The following OTUD4 variants were observed in gnomAD, a reference collection of about 807,000 sequenced individuals.
OTUD4 encodes the protein OTU domain-containing protein 4.
A neutral mutation model predicts 130.4 loss-of-function variants in OTUD4; 24 were observed. The ratio of observed to expected loss-of-function variants is 0.18; its 90% CI spans 0.13 to 0.26. The LOEUF (loss-of-function observed/expected upper bound fraction) is 0.26. Among genes scored for constraint, OTUD4 ranks in the 10% least tolerant of loss-of-function variants. OTUD4 has a pLI of 1.00. For missense variants in OTUD4, 1,031 were observed against 1,329.4 expected (o/e 0.78, Z 3.49); for synonymous variants, 420 against 472.5 (o/e 0.89, Z 1.44).
chr4:145,161,048 T>A (rs1302672152), intron 6 of OTUD4, among the ~76,000 whole-genome samples: 1 of 152,026 alleles, frequency 6.6e-6, no homozygotes, highest in Non-Finnish European at 1.5e-5. Context: ...AGGCGGAAGT[T>A]GCAGTGAGCC....
chr4:145,146,501 CAAAA>C, intron 13 of OTUD4, 72 bp from the exon 14 acceptor site: 2 of 594,912 alleles, frequency 3.4e-6, no homozygotes, highest in Non-Finnish European at 4.6e-6. Context: ...ACATTCTTGT[CAAAA>C]AAAAAAAACA....
intron 7 of OTUD4, among the ~76,000 whole-genome samples, chr4:145,158,571 A>G (rs895605741): frequency 1.3e-4 from 20 of 152,152 alleles, no homozygotes; most frequent in African/African-American, 4.8e-4. Context: ...TATAATAAAG[A>G]ATTAGATATC....
intron 7 of OTUD4, among the ~76,000 whole-genome samples, chr4:145,158,864 T>C (rs557786510): frequency 2.2e-4 from 34 of 152,326 alleles, no homozygotes; most frequent in African/African-American, 7.5e-4. Context: ...TTTTAGAGTA[T>C]TGGAATTAAG....
intron 3 of OTUD4, 48 bp from the exon 4 acceptor site, chr4:145,165,245 GATTCCACTTTATATTTCTATACA>G: frequency 8.0e-7 from 1 of 1,247,624 alleles, no homozygotes; most frequent in Non-Finnish European, 1.2e-6. Flanking sequence ...ACACTTTTTA[GATTCCACTTTATATTTCTATACA>G]TACCTTCATA....
chr4:145,137,987 T>C lies in OTUD4; in HGVS notation c.2788A>G (p.Ser930Gly), dbSNP rs750716152. ...VHSLPEASVSSKPDEGRTEQS... is the reference protein window; with the variant it reads ...VHSLPEASVSGKPDEGRTEQS... ...TCTGTCCGGCCTTCGTCCGGCTTAC[T>C]GCTCACACTTGCTTCAGGGAGAGAA... The change falls in exon 21 of 21, where the codon AGT becomes GGT. Residue 930 changes from serine to glycine, a missense_variant. By Grantham distance (56) the Ser-to-Gly change is moderately conservative. Transcript: ENST00000447906. 2 of 1,614,226 alleles carry C rather than the reference T, an allele frequency of 1.2e-6. No individual in the cohort carries two copies. Among genetic ancestry groups the C allele is most frequent in the South Asian group, 2.2e-5 (2 of 91,090 alleles).
chr4:145,156,079 A>G, intron 7 of OTUD4, 83 bp from the exon 8 acceptor site: 1 of 1,057,514 alleles, frequency 9.5e-7, no homozygotes, highest in Non-Finnish European at 1.4e-6. Flanking sequence ...ACGTCTTCAA[A>G]GTCAGAACTA....
intron 2 of OTUD4, among the ~76,000 whole-genome samples, chr4:145,172,509 C>G (rs930734937): frequency 2.0e-5 from 3 of 152,186 alleles, no homozygotes; most frequent in African/African-American, 7.2e-5. Flanking sequence ...AATAACACAA[C>G]CTTTTTTATG....
chr4:145,152,600 T>C lies in OTUD4; in HGVS notation c.909A>G (p.Ala303=). The part of the protein sequence containing the change: ...RLDHNGKFLN[A]DVQGIHSENG... ...TCTCAGAATGAATTCCTTGAACATCTGCATTCAAAAATTTTCCATTGTGAT... is the reference window on the plus strand; with the variant it reads ...TCTCAGAATGAATTCCTTGAACATCCGCATTCAAAAATTTTCCATTGTGAT... The change falls in exon 11 of 21, where the codon GCA becomes GCG. Residue 303 remains alanine (A), a synonymous_variant. Transcript: ENST00000447906. 6.2e-7 allele frequency: 1 copy of C among 1,612,106 alleles called. No individual in the cohort carries two copies. Among genetic ancestry groups the C allele is most frequent in the Admixed American group, 1.7e-5 (1 of 59,954 alleles).
At chr4:145,169,259 T>C (rs1752034258) in intron 3 of OTUD4, among the ~76,000 whole-genome samples, 1 of 152,206 alleles carries the variant, frequency 6.6e-6, no homozygotes, top group African/African-American at 2.4e-5. Context: ...AAATTGTATA[T>C]TTATAAGTGA....
In OTUD4 at chr4:145,134,785, G is replaced by A. The variant is rs373636049; in HGVS notation, c.*2645C>T. On this transcript the variant is annotated 3_prime_UTR_variant, in exon 21 of 21. Transcript: ENST00000447906. The stretch of plus-strand genomic sequence containing the variant: ...ATGAAGAGACATACACAACACCAAA[G>A]GGAAAAGGGGGCTGGAATCAAGTTC... 36 of 398,960 alleles carry A rather than the reference G, an allele frequency of 9.0e-5. No individual in the cohort carries two copies. The highest frequency in any genetic ancestry group is 6.8e-4 in the African/African-American group (33 of 48,718). The allele number at this position is 398,960 out of a possible 1,614,324, so 24.7% of individuals were successfully genotyped here. A position where few individuals can be genotyped will look rare whatever the true frequency, so the allele number is the denominator to read the frequency against.
chr4:145,155,508 A>G, intron 9 of OTUD4, 33 bp from the exon 10 acceptor site: 1 of 1,602,102 alleles, frequency 6.2e-7, no homozygotes. Flanking sequence ...TATAATATAA[A>G]GTTGACTTAT....
At position 145,144,389 on chromosome 4, in the gene OTUD4, C is replaced by T. The variant is rs1750724738; in HGVS notation, c.1468G>A (p.Val490Ile). 6.2e-7 allele frequency: 1 copy of T among 1,612,546 alleles called. No homozygotes were observed. Among genetic ancestry groups the T allele is most frequent in the Non-Finnish European group, 8.5e-7 (1 of 1,179,072 alleles). ...CCTACATGTGATGATTTTCTCTGGA[C>T]ACATGGATTGCTACTCTGAGAAGCT... is the stretch of plus-strand genomic sequence containing the variant. ...QSASQSSNPC[V>I]QRKSSHVGDR... is the part of the protein sequence containing the mutation. Residue 490 changes from valine to isoleucine, a missense_variant, in exon 15 of 21, where the codon GTC becomes ATC. By Grantham distance (29) the Val-to-Ile change is conservative (BLOSUM62 3). Around this residue, in one of 3 missense-constraint regions of OTUD4, gnomAD observed 900 missense variants for 1,095.9 expected, o/e 0.82. Coordinates refer to ENST00000447906, the MANE Select transcript of OTUD4 (RefSeq NM_001366057.1).
chr4:145,147,134 C>G (rs1037393623), intron 13 of OTUD4, among the ~76,000 whole-genome samples: 1 of 152,110 alleles, frequency 6.6e-6, no homozygotes, highest in Non-Finnish European at 1.5e-5. Flanking sequence ...CTATTTCCAT[C>G]ATGTCTAACA....
Position 145,146,259 on chromosome 4 carries a change from A to G in OTUD4, c.1422+8T>C. Reference sequence around the variant, plus strand: ...ATAATGACTTTTAAACTGTCTTTTCATACATACGGAAAGGGCTGGGAAAGC... The same window carrying G: ...ATAATGACTTTTAAACTGTCTTTTCGTACATACGGAAAGGGCTGGGAAAGC... On this transcript the variant is annotated splice_region_variant and intron_variant, in intron 14 of 20. Transcript: ENST00000447906. 6.7e-7 allele frequency: 1 copy of G among 1,495,388 alleles called. No individual in the cohort carries two copies. Among genetic ancestry groups the G allele is most frequent in the Non-Finnish European group, 8.9e-7 (1 of 1,126,736 alleles). The allele number at this position is 1,495,388 out of a possible 1,614,324, so 92.6% of individuals were successfully genotyped here.
intron 7 of OTUD4, among the ~76,000 whole-genome samples, chr4:145,156,545 T>C (rs1488488650): frequency 1.3e-5 from 2 of 152,034 alleles, no homozygotes; most frequent in Admixed American, 6.6e-5. Context: ...TAGCTGGGCG[T>C]AGTGGCACAT....
rs772521472 is a variant in OTUD4, at chr4:145,150,621, G to A, written c.1151C>T (p.Pro384Leu). 5.6e-6 allele frequency: 9 copies of A among 1,613,336 alleles called. No homozygotes were observed. The highest frequency in any genetic ancestry group is 5.9e-6 in the Non-Finnish European group (7 of 1,179,306). Residue 384 changes from proline to leucine, a missense_variant, in exon 13 of 21, where the codon CCT becomes CTT. Pro to Leu is a moderately conservative substitution (Grantham distance 98). Transcript: ENST00000447906. ...GAACGCATGTTGTCTTACTCCTGAA[G>A]GATGCTGCAGTCGAGGAGGTAGTGC... ...PSALPPRLQH[P>L]SGVRQHAFSS...
intron 10 of OTUD4, among the ~76,000 whole-genome samples, chr4:145,153,200 C>T (rs1751145319): frequency 6.6e-6 from 1 of 152,106 alleles, no homozygotes; most frequent in Non-Finnish European, 1.5e-5. Flanking sequence ...AAATTTTTTT[C>T]TAACACTTAT....
intron 6 of OTUD4, among the ~76,000 whole-genome samples, chr4:145,161,088 C>T (rs989547414): frequency 1.3e-5 from 2 of 151,376 alleles, no homozygotes; most frequent in Admixed American, 6.6e-5. Context: ...CCAGCCTAGG[C>T]GAGAGAGCAA....
At chr4:145,143,858 A>G (rs1347097679) in intron 16 of OTUD4, 88 bp downstream of exon 16, 3 of 1,028,066 alleles carry the variant, frequency 2.9e-6, no homozygotes, top group Non-Finnish European at 4.5e-6. Flanking sequence ...AAATTTCGAA[A>G]TTATTTTCAC....
Sources: gnomAD v4.1 joint callset for allele counts (sites outside exome capture counted in the v4.1 genomes callset) on GRCh38, gnomAD v4.1.1 for gene constraint, gnomAD v4.1.1 regional missense constraint, MANE v1.5 for transcripts, NCBI Gene and HGNC (gene_info 2026-07-23, HGNC 2026-07-21) for gene names.